The following PRADC1 variants were observed in gnomAD, a reference collection of about 807,000 sequenced individuals.
PRADC1 encodes protease associated domain containing 1.
In PRADC1, 23 loss-of-function variants were observed where a neutral mutation model predicts 22.9. That is an observed-to-expected ratio of 1.00 (90% CI 0.72 to 1.42). The LOEUF (loss-of-function observed/expected upper bound fraction) is 1.42. PRADC1 is among the 40% of genes most tolerant of loss of function. The pLI is 0.00. For synonymous variants in PRADC1, 71 were observed against 100.3 expected, an observed-to-expected ratio of 0.71 and a Z score of 1.75; for missense variants, 207 against 258.3, an observed-to-expected ratio of 0.80 and a Z score of 1.36.
At chr2:73,229,702 A>G in intron 2 of PRADC1, 132 bp from the exon 3 acceptor site, 2 of 696,224 alleles carry the variant, frequency 2.9e-6, no homozygotes, top group Non-Finnish European at 5.0e-6. Context: ...CTGTATCGCC[A>G]GACACTTAAA....
intron 1 of PRADC1, among the ~76,000 whole-genome samples, chr2:73,232,102 G>A (rs1039541527): frequency 5.3e-5 from 8 of 152,092 alleles, no homozygotes; most frequent in Admixed American, 1.3e-4. Context: ...TTGGGAGGCC[G>A]AGGCGGGCAG....
Position 73,233,165 on chromosome 2 carries a change from A to C in PRADC1, c.-5T>G. On this transcript the variant is annotated 5_prime_UTR_variant, in exon 1 of 5. Coordinates refer to ENST00000258083, the MANE Select transcript of PRADC1 (RefSeq NM_032319.3). ...GCCCGCGGCGCCGGGGACCATCTCC[A>C]GGGCCGGGCCCGGCCCGGCGCCGCG... The C allele has an allele frequency of 6.5e-6, 9 of 1,387,814 alleles. No homozygotes were observed. The highest frequency in any genetic ancestry group is 6.5e-6 in the Non-Finnish European group (7 of 1,079,226). The allele number at this position is 1,387,814 out of a possible 1,614,324, so 86.0% of individuals were successfully genotyped here.
rs1686585706 is a variant in PRADC1 at position 73,229,436 on chromosome 2, C to CGTGTCCTGCCTGCCCACTCCTT, written c.278+3_278+24dup. Reference sequence around the variant, plus strand: ...ATCTGCCGTATGCCTGCCCACTCCTCGTGTCCTGCCTGCCCACTCCTTACC... The same window carrying CGTGTCCTGCCTGCCCACTCCTT: ...ATCTGCCGTATGCCTGCCCACTCCTCGTGTCCTGCCTGCCCACTCCTTGTGTCCTGCCTGCCCACTCCTTACC... On this transcript the variant is annotated intron_variant, in intron 3 of 4. Coordinates refer to ENST00000258083, the MANE Select transcript of PRADC1 (RefSeq NM_032319.3). 9.3e-6 allele frequency: 14 copies of CGTGTCCTGCCTGCCCACTCCTT among 1,504,334 alleles called. No homozygotes were observed. The East Asian group carries it at 2.0e-4, about 22-fold the overall frequency. 93.2% of individuals were successfully genotyped at this position (1,504,334 alleles called of 1,614,324 possible).
Position 73,228,391 on chromosome 2 carries a change from A to C in PRADC1, c.*63T>G, listed in dbSNP as rs934870805. The C allele has an allele frequency of 2.5e-6, 4 of 1,601,004 alleles. No individual in the cohort carries two copies. Among genetic ancestry groups the C allele is most frequent in the Non-Finnish European group, 3.4e-6 (4 of 1,173,144 alleles). On this transcript the variant is annotated 3_prime_UTR_variant, in exon 5 of 5. Transcript: ENST00000258083. This position sits in a 1 kb window ranked among gnomAD's most constrained non-coding sequence, Gnocchi z 4.0. ...GCTATCTCCAAATTCCAAGTAGCAA[A>C]ATTCCTGGGTTTCCCCTTCCCAGCT...
chr2:73,228,239 T>A lies in PRADC1; in HGVS notation c.*215A>T. The A allele has an allele frequency of 1.7e-6, 1 of 582,208 alleles. No homozygotes were observed. The highest frequency in any genetic ancestry group is 2.1e-5 in the South Asian group (1 of 47,912). The allele number at this position is 582,208 out of a possible 1,614,324, so 36.1% of individuals were successfully genotyped here. A position where few individuals can be genotyped will look rare whatever the true frequency, so the allele number is the denominator to read the frequency against. ...GCCAGAAGCCCTGGGGCCTGTCTCT[T>A]GCCTCTTCTTGTAGCATGAGACACC... On this transcript the variant is annotated 3_prime_UTR_variant, in exon 5 of 5. Coordinates refer to ENST00000258083, the MANE Select transcript of PRADC1 (RefSeq NM_032319.3). The surrounding 1 kb of genome is among the most constrained non-coding windows in gnomAD (Gnocchi z 4.0).
chr2:73,229,535 A>G lies in PRADC1; in HGVS notation c.204T>C (p.Ala68=). The change falls in exon 3 of 5, where the codon GCT becomes GCC. Residue 68 remains alanine, a synonymous_variant. Transcript: ENST00000258083. ...GTTCCCCGCAGGCCTCTGGAGGTTC[A>G]GCGGGGACAAGGTGAATCTGCTCAT... ...TRYEQIHLVP[A]EPPEACGELS... The G allele has an allele frequency of 1.9e-6, 3 of 1,614,052 alleles. No homozygotes were observed. The South Asian group carries it at 3.3e-5, about 18-fold the overall frequency.
intron 2 of PRADC1, chr2:73,229,845 G>A: frequency 1.7e-6 from 1 of 586,724 alleles, no homozygotes; most frequent in East Asian, 2.8e-5. Flanking sequence ...TAGTTCACAG[G>A]TAGAGCTGGC....
At chr2:73,233,278 G>C, upstream of PRADC1, 1 of 644,058 alleles carries the variant, frequency 1.6e-6, no homozygotes, top group South Asian at 2.5e-5. Context: ...CGCTCTCGCC[G>C]CGGGCTGGAC....
Position 73,230,181 on chromosome 2 carries a change from C to A in PRADC1, c.100G>T (p.Val34Leu). The A allele has an allele frequency of 1.2e-6, 2 of 1,614,052 alleles. No homozygotes were observed. Among genetic ancestry groups the A allele is most frequent in the Non-Finnish European group, 1.7e-6 (2 of 1,179,870 alleles). The stretch of plus-strand genomic sequence containing the variant: ...TATCGAATGTCCCCAGGACTCAGCA[C>A]TTGAAAGTACAAATAATCATGGATA... The part of the protein sequence containing the change: ...FRIHDYLYFQ[V>L]LSPGDIRYIF... Residue 34 changes from valine (V) to leucine (L), a missense_variant, in exon 2 of 5, where the codon GTG becomes TTG. Val to Leu is a conservative substitution (Grantham distance 32). Transcript: ENST00000258083.
At position 73,229,460 on chromosome 2, in the gene PRADC1, C is replaced by T. The variant is rs1686586610; in HGVS notation, c.278+1G>A. ...TCGTGTCCTGCCTGCCCACTCCTTA[C>T]CCCCTCTCCACCAGAGCAATCTGGT... On this transcript the variant is annotated splice_donor_variant, in intron 3 of 4. Transcript: ENST00000258083. LOFTEE classifies it high-confidence loss of function. 1.3e-6 allele frequency: 2 copies of T among 1,558,468 alleles called. No individual in the cohort carries two copies. The highest frequency in any genetic ancestry group is 2.2e-5 in the South Asian group (2 of 90,848).
chr2:73,232,743 T>G (rs1437004418), intron 1 of PRADC1, among the ~76,000 whole-genome samples: 1 of 152,188 alleles, frequency 6.6e-6, no homozygotes, highest in East Asian at 1.9e-4. Context: ...GAATGTGTGC[T>G]CCTGTGTACA....
chr2:73,229,669 G>T, intron 2 of PRADC1, 99 bp from the exon 3 acceptor site: 2 of 894,446 alleles, frequency 2.2e-6, no homozygotes, highest in Non-Finnish European at 1.8e-6. Flanking sequence ...CTTATAAAGT[G>T]TGAAGGAAAC....
Position 73,230,112 on chromosome 2 carries a change from C to G in PRADC1, c.168+1G>C, listed in dbSNP as rs200326249. 4 of 1,607,988 alleles carry G rather than the reference C, an allele frequency of 2.5e-6. No individual in the cohort carries two copies. The highest frequency in any genetic ancestry group is 3.3e-5 in the Admixed American group (2 of 59,986). On this transcript the variant is annotated splice_donor_variant, in intron 2 of 4. Transcript: ENST00000258083. LOFTEE classifies it high-confidence loss of function. ...GAGATCAGGGGCCTCCCTTAACTTACAAAGATACCACCAAAGTCCTTGGCA... is the reference window on the plus strand; with the variant it reads ...GAGATCAGGGGCCTCCCTTAACTTAGAAAGATACCACCAAAGTCCTTGGCA...
intron 2 of PRADC1, chr2:73,229,823 C>CCTTA (rs1208830350): frequency 1.5e-5 from 9 of 587,378 alleles, no homozygotes; most frequent in African/African-American, 3.7e-5. Flanking sequence ...AAGTGATGTG[C>CCTTA]CTTAAGTCAC....
chr2:73,229,326 C>T (rs770172446), intron 3 of PRADC1, 135 bp downstream of exon 3: 4 of 721,790 alleles, frequency 5.5e-6, no homozygotes, highest in South Asian at 1.7e-5. Context: ...CCATGTTGCC[C>T]AGGCTAGACA....
intron 1 of PRADC1, among the ~76,000 whole-genome samples, chr2:73,231,514 T>G (rs1417821088): frequency 2.6e-5 from 4 of 152,090 alleles, no homozygotes; most frequent in African/African-American, 9.7e-5. Flanking sequence ...CCTCCCAGGC[T>G]CAAGCGATTC....
At chr2:73,230,077 T>C (rs749290911) in intron 2 of PRADC1, 36 bp downstream of exon 2, 1 of 1,409,156 alleles carries the variant, frequency 7.1e-7, no homozygotes, top group Non-Finnish European at 1.0e-6. Flanking sequence ...AAGGGGGAGG[T>C]TGAGGATCAG....
rs757266624 is a variant in PRADC1 at position 73,228,552 on chromosome 2, C to A, written c.469G>T (p.Glu157Ter). Reference sequence around the variant, plus strand: ...ATGGCCCATGGCAGCCCATGCTGTTCCAGAGAGCGGCGGATCATGTAGCTG... The same window carrying A: ...ATGGCCCATGGCAGCCCATGCTGTTACAGAGAGCGGCGGATCATGTAGCTG... ...RDGYMIRRSL[E>*]QHGLPWAIIS... Residue 157 changes from glutamate (E) to a stop codon, truncating the protein, a stop_gained, in exon 5 of 5, where the codon GAA becomes TAA. Transcript: ENST00000258083. LOFTEE classifies it high-confidence loss of function. This position sits in a 1 kb window ranked among gnomAD's most constrained non-coding sequence, Gnocchi z 4.0. The A allele has an allele frequency of 1.9e-6, 3 of 1,614,112 alleles. No individual in the cohort carries two copies. The highest frequency in any genetic ancestry group is 3.3e-5 in the Admixed American group (2 of 60,026).
intron 2 of PRADC1, 192 bp downstream of exon 2, chr2:73,229,921 G>A (rs908941440): frequency 3.4e-6 from 2 of 596,746 alleles, no homozygotes; most frequent in Admixed American, 6.0e-5. Context: ...TCCCTCCATG[G>A]TGCCTAGGTT....
Sources: gnomAD v4.1 joint callset for allele counts (sites outside exome capture counted in the v4.1 genomes callset) on GRCh38, gnomAD v4.1.1 for gene constraint, Gnocchi (gnomAD v3.1) non-coding constraint, MANE v1.5 for transcripts, NCBI Gene and HGNC (gene_info 2026-07-23, HGNC 2026-07-21) for gene names.